IMMP2L: variants seen among roughly 807,000 people sequenced by gnomAD.
IMMP2L encodes the protein mitochondrial inner membrane protease subunit 2.
In IMMP2L, 18 loss-of-function variants were observed where a neutral mutation model predicts 19.3. The observed-to-expected ratio is 0.93, with a 90% confidence interval of 0.64 to 1.38. The LOEUF (loss-of-function observed/expected upper bound fraction) is 1.38. Among genes scored for constraint, IMMP2L ranks in the 40% most tolerant of loss-of-function variants. IMMP2L has a pLI of 0.00. For synonymous variants in IMMP2L, 76 were observed against 73.0 expected (o/e 1.04, Z -0.21); for missense variants, 233 against 218.2 (o/e 1.07, Z -0.43).
At chr7:111,481,143 C>T (rs1182536933) in intron 3 of IMMP2L, among the ~76,000 whole-genome samples, 2 of 152,106 alleles carry the variant, frequency 1.3e-5, no homozygotes, top group Non-Finnish European at 2.9e-5. Context: ...CTGTATTATG[C>T]ACACTGTATG....
At chr7:111,320,318 C>A (rs1041121770) in intron 3 of IMMP2L, among the ~76,000 whole-genome samples, 1 of 152,126 alleles carries the variant, frequency 6.6e-6, no homozygotes, top group Non-Finnish European at 1.5e-5. Flanking sequence ...AGCCACTCTG[C>A]CTCTTCCCAT....
intron 4 of IMMP2L, among the ~76,000 whole-genome samples, chr7:110,905,974 T>C (rs1426022232): frequency 1.3e-5 from 2 of 152,232 alleles, no homozygotes; most frequent in East Asian, 3.8e-4. Flanking sequence ...ACCACACCCA[T>C]ACTGCACTAT....
chr7:111,221,437 A>C (rs921822971), intron 3 of IMMP2L, among the ~76,000 whole-genome samples: 3 of 152,034 alleles, frequency 2.0e-5, no homozygotes, highest in Non-Finnish European at 4.4e-5. Context: ...GCTTGTTTTA[A>C]GACTAGCAAA....
intron 3 of IMMP2L, among the ~76,000 whole-genome samples, chr7:111,403,478 G>T (rs1833650533): frequency 6.6e-6 from 1 of 151,706 alleles, no homozygotes; most frequent in Non-Finnish European, 1.5e-5. Context: ...TTTAAACAGG[G>T]TCTCACTTTG....
At chr7:111,459,014 A>G (rs1839913047) in intron 3 of IMMP2L, among the ~76,000 whole-genome samples, 1 of 152,152 alleles carries the variant, frequency 6.6e-6, no homozygotes, top group Non-Finnish European at 1.5e-5. Flanking sequence ...CCCAGAATGA[A>G]CTATGTTATC....
intron 5 of IMMP2L, among the ~76,000 whole-genome samples, chr7:110,780,061 G>T (rs1799634014): frequency 6.6e-6 from 1 of 151,506 alleles, no homozygotes; most frequent in African/African-American, 2.4e-5. Context: ...TCTACCTTTT[G>T]TACTGTCTTT....
At chr7:110,663,756 G>C (rs1584432701) in intron 5 of IMMP2L, 35 bp from the exon 6 acceptor site, 2 of 1,444,164 alleles carry the variant, frequency 1.4e-6, no homozygotes, top group South Asian at 2.7e-5. Flanking sequence ...AAGCAATAAA[G>C]AGATCATTTT....
At chr7:110,665,609 G>C (rs1254862757) in intron 5 of IMMP2L, among the ~76,000 whole-genome samples, 1 of 152,112 alleles carries the variant, frequency 6.6e-6, no homozygotes, top group African/African-American at 2.4e-5. Flanking sequence ...TTAATCTGGA[G>C]TCCCAGCAAG....
At chr7:111,379,206 TAAAAA>T (rs11303513) in intron 3 of IMMP2L, among the ~76,000 whole-genome samples, 2 of 98,914 alleles carry the variant, frequency 2.0e-5, no homozygotes, top group Non-Finnish European at 2.2e-5. Context: ...ACCCTTATGG[TAAAAA>T]AAAAAAAAAA....
rs1200360378 is a variant in IMMP2L at position 111,499,277 on chromosome 7, C to T, written c.136-11936G>A. Among the ~76,000 whole-genome samples, 4 of 152,188 alleles carry T rather than the reference C, an allele frequency of 2.6e-5. No homozygotes were observed. The South Asian group carries it at 6.2e-4, about 24-fold the overall frequency. On this transcript the variant is annotated intron_variant, in intron 2 of 5. Coordinates refer to ENST00000405709, the MANE Select transcript of IMMP2L (RefSeq NM_032549.4). ...GTGAGGATGACATAGAGCTCAGTAC[C>T]GAGGAGCATGACTCATGGGGGATGG...
chr7:111,062,223 T>C (rs1794082569), intron 3 of IMMP2L, among the ~76,000 whole-genome samples: 1 of 152,132 alleles, frequency 6.6e-6, no homozygotes, highest in Admixed American at 6.5e-5. Context: ...ACAATCATGG[T>C]GGAAGGTGAA....
intron 3 of IMMP2L, among the ~76,000 whole-genome samples, chr7:111,284,608 G>T (rs1185915823): frequency 6.6e-6 from 1 of 152,136 alleles, no homozygotes; most frequent in Non-Finnish European, 1.5e-5. Flanking sequence ...AGGAAAGACA[G>T]GTCAGTAGAG....
At chr7:111,330,294 A>G (rs567833167) in intron 3 of IMMP2L, among the ~76,000 whole-genome samples, 33 of 151,990 alleles carry the variant, frequency 2.2e-4, no homozygotes, top group Non-Finnish European at 4.6e-4. Context: ...CTAAATGAAT[A>G]AAATGAAATA....
At chr7:110,903,628 C>T (rs1451402882) in intron 4 of IMMP2L, among the ~76,000 whole-genome samples, 1 of 152,114 alleles carries the variant, frequency 6.6e-6, no homozygotes, top group Non-Finnish European at 1.5e-5. Flanking sequence ...TGTATGTCTA[C>T]ACAACATTTT....
At chr7:110,825,272 T>C (rs1227739390) in intron 5 of IMMP2L, among the ~76,000 whole-genome samples, 3 of 152,126 alleles carry the variant, frequency 2.0e-5, no homozygotes, top group Non-Finnish European at 2.9e-5. Flanking sequence ...CAAGGTAATT[T>C]ATAGATTCCA....
At chr7:111,125,444 T>C (rs2129590870) in intron 3 of IMMP2L, 1 of 167,216 alleles carries the variant, frequency 6.0e-6, no homozygotes, top group Middle Eastern at 3.4e-3. Context: ...TAAAGAATAA[T>C]TTCTGGGAAA....
At chr7:111,283,706 T>A (rs894546373) in intron 3 of IMMP2L, among the ~76,000 whole-genome samples, 3 of 152,028 alleles carry the variant, frequency 2.0e-5, no homozygotes, top group African/African-American at 4.8e-5. Context: ...GCGCGGTGGC[T>A]CACGCCTGTA....
intron 3 of IMMP2L, among the ~76,000 whole-genome samples, chr7:111,065,956 G>A (rs190793544): frequency 1.3e-5 from 2 of 150,896 alleles, no homozygotes; most frequent in African/African-American, 4.9e-5. Context: ...GGTTGGCTTG[G>A]CTTTTGTCTG....
chr7:111,330,657 A>G (rs138351229), intron 3 of IMMP2L, among the ~76,000 whole-genome samples: 1 of 152,054 alleles, frequency 6.6e-6, no homozygotes, highest in East Asian at 1.9e-4. Flanking sequence ...CAATAGATTT[A>G]TCAAAAATAA....
Sources: gnomAD v4.1 joint callset for allele counts (sites outside exome capture counted in the v4.1 genomes callset) on GRCh38, gnomAD v4.1.1 for gene constraint, MANE v1.5 for transcripts, NCBI Gene and HGNC (gene_info 2026-07-23, HGNC 2026-07-21) for gene names.